The following MGAT5 variants were observed in gnomAD, a reference collection of about 807,000 sequenced individuals.
MGAT5 encodes alpha-1,6-mannosylglycoprotein 6-beta-N-acetylglucosaminyltransferase A.
In MGAT5, 30 loss-of-function variants were observed where a neutral mutation model predicts 94.3. The ratio of observed to expected loss-of-function variants is 0.32; its 90% CI spans 0.24 to 0.43. The LOEUF (loss-of-function observed/expected upper bound fraction) is 0.43. Ranked by LOEUF, MGAT5 falls within the 20% of genes least tolerant of loss-of-function variation. The pLI, the probability that MGAT5 is intolerant of heterozygous loss-of-function variation, is 1.00. For missense variants in MGAT5, 691 were observed against 905.5 expected, an observed-to-expected ratio of 0.76 and a Z score of 3.04; for synonymous variants, 310 against 322.9, an observed-to-expected ratio of 0.96 and a Z score of 0.43.
At chr2:134,123,597 G>T (rs1327543626) in intron 1 of MGAT5, among the ~76,000 whole-genome samples, 1 of 152,170 alleles carries the variant, frequency 6.6e-6, no homozygotes, top group Non-Finnish European at 1.5e-5. Flanking sequence ...GGTTGGGGGT[G>T]GCATTCTGTG....
intron 10 of MGAT5, among the ~76,000 whole-genome samples, chr2:134,370,252 TGAAAA>T (rs924407683): frequency 1.3e-5 from 2 of 152,228 alleles, no homozygotes; most frequent in Non-Finnish European, 2.9e-5. Context: ...CTGAAACCCT[TGAAAA>T]GAACACATTT....
chr2:134,325,412 CAA>C (rs1187743515), intron 4 of MGAT5, among the ~76,000 whole-genome samples: 4 of 152,144 alleles, frequency 2.6e-5, no homozygotes, highest in Admixed American at 2.6e-4. Context: ...GCATGTACTA[CAA>C]AAGAGTTTAA....
chr2:134,317,703 G>A, intron 3 of MGAT5, 98 bp downstream of exon 3: 1 of 755,354 alleles, frequency 1.3e-6, no homozygotes, highest in Non-Finnish European at 2.0e-6. Context: ...GGGTGAGTGA[G>A]CCCTTGACAT....
Position 134,371,559 on chromosome 2 carries a change from C to G in MGAT5, c.1380+9151C>G, listed in dbSNP as rs116582666. Among the ~76,000 whole-genome samples, 363 of 152,266 alleles carry G rather than the reference C, an allele frequency of 2.4e-3. 5 individuals are homozygous for G. Among genetic ancestry groups the G allele is most frequent in the African/African-American group, 7.9e-3 (328 of 41,556 alleles). ...AGATATGGGCCGCTGTGGCTTCTAT[C>G]GAATCATGCTTGGGATTGCCACAGT... On this transcript the variant is annotated intron_variant, in intron 10 of 15. Transcript: ENST00000281923.
intron 1 of MGAT5, among the ~76,000 whole-genome samples, chr2:134,243,592 G>A (rs1308161577): frequency 6.6e-6 from 1 of 152,190 alleles, no homozygotes; most frequent in Non-Finnish European, 1.5e-5. Context: ...AGGGCTGTGC[G>A]ATTGAGTGGC....
intron 1 of MGAT5, among the ~76,000 whole-genome samples, chr2:134,136,430 G>A (rs1454087085): frequency 1.3e-5 from 2 of 152,116 alleles, no homozygotes; most frequent in Admixed American, 1.3e-4. Flanking sequence ...AGCTGAGCGT[G>A]GTGGCGGGTG....
At chr2:134,225,427 G>A (rs2105370746) in intron 1 of MGAT5, among the ~76,000 whole-genome samples, 1 of 152,350 alleles carries the variant, frequency 6.6e-6, no homozygotes, top group East Asian at 1.9e-4. Context: ...ATGGGCAGCA[G>A]TGGTGGCCAC....
rs1680813665 is a variant in MGAT5 at position 134,371,722 on chromosome 2, A to G, written c.1380+9314A>G. Among the ~76,000 whole-genome samples, 5 of 152,254 alleles carry G rather than the reference A, an allele frequency of 3.3e-5. No individual in the cohort carries two copies. In the South Asian group the frequency reaches 1.0e-3, roughly 32 times the overall value. ...TGGACTTCTTCCCATTTGTGAGAGAAAACTCCCCCTTAGAACTCAACTGGT... is the reference window on the plus strand; with the variant it reads ...TGGACTTCTTCCCATTTGTGAGAGAGAACTCCCCCTTAGAACTCAACTGGT... On this transcript the variant is annotated intron_variant, in intron 10 of 15. Coordinates refer to ENST00000281923, the MANE Select transcript of MGAT5 (RefSeq NM_002410.5).
chr2:134,289,534 C>T (rs1258917681), intron 2 of MGAT5, among the ~76,000 whole-genome samples: 2 of 152,216 alleles, frequency 1.3e-5, no homozygotes, highest in African/African-American at 4.8e-5. Context: ...CGTAGCAGGC[C>T]TGACATAGCT....
intron 4 of MGAT5, among the ~76,000 whole-genome samples, chr2:134,323,682 G>C (rs1050316817): frequency 2.6e-5 from 4 of 152,062 alleles, no homozygotes; most frequent in Admixed American, 2.6e-4. Context: ...ATGGGAAAAT[G>C]GCTCTAATTT....
intron 1 of MGAT5, among the ~76,000 whole-genome samples, chr2:134,156,194 A>T (rs921679284): frequency 6.6e-6 from 1 of 152,094 alleles, no homozygotes; most frequent in East Asian, 1.9e-4. Context: ...TGTGCATGAG[A>T]TCTTGTTTAT....
rs144980722 is a variant in MGAT5, at chr2:134,285,705, T to G, written c.406+15155T>G. On this transcript the variant is annotated intron_variant, in intron 2 of 15. Transcript: ENST00000281923. ...TGTTTCTTCCAGTAATATATTTTCATATTTCTCCATAACATGTTTATGTTG... is the reference window on the plus strand; with the variant it reads ...TGTTTCTTCCAGTAATATATTTTCAGATTTCTCCATAACATGTTTATGTTG... Among the ~76,000 whole-genome samples, 48 of 152,320 alleles carry G rather than the reference T, an allele frequency of 3.2e-4. 1 individual carries two copies. In the East Asian group the frequency reaches 8.9e-3, roughly 28 times the overall value.
chr2:134,378,134 T>C (rs1681302547), intron 10 of MGAT5, among the ~76,000 whole-genome samples: 1 of 152,216 alleles, frequency 6.6e-6, no homozygotes, highest in South Asian at 2.1e-4. Context: ...ATGTTTTCTT[T>C]GGAGCTGGCA....
chr2:134,397,455 G>T (rs1682782772), intron 10 of MGAT5, among the ~76,000 whole-genome samples: 1 of 152,160 alleles, frequency 6.6e-6, no homozygotes, highest in Non-Finnish European at 1.5e-5. Context: ...CCAAAGGCCT[G>T]CAAGGAGGAG....
intron 12 of MGAT5, among the ~76,000 whole-genome samples, chr2:134,421,870 A>G (rs901427134): frequency 5.9e-5 from 9 of 152,162 alleles, no homozygotes; most frequent in African/African-American, 2.2e-4. Context: ...ATTTAGCTGT[A>G]TTAAAGAATG....
chr2:134,366,116 G>A (rs950570419), intron 10 of MGAT5, among the ~76,000 whole-genome samples: 1 of 152,186 alleles, frequency 6.6e-6, no homozygotes, highest in Non-Finnish European at 1.5e-5. Context: ...GGAAGCTGCA[G>A]TTCTGGGTCC....
chr2:134,196,135 T>A (rs959670367), intron 1 of MGAT5, among the ~76,000 whole-genome samples: 1 of 152,230 alleles, frequency 6.6e-6, no homozygotes, highest in Non-Finnish European at 1.5e-5. Flanking sequence ...ATTTGCTCAT[T>A]GCCTCTGTTG....
chr2:134,431,843 G>T (rs537083477), intron 14 of MGAT5, among the ~76,000 whole-genome samples: 26 of 152,306 alleles, frequency 1.7e-4, no homozygotes, highest in Non-Finnish European at 3.4e-4. Context: ...CAGTTGAGCA[G>T]TCGCCAGCAG....
intron 2 of MGAT5, among the ~76,000 whole-genome samples, chr2:134,311,104 T>C (rs1043416349): frequency 2.0e-5 from 3 of 152,236 alleles, no homozygotes; most frequent in Non-Finnish European, 2.9e-5. Context: ...TTGCCCTGAA[T>C]GGAGCCCTTG....
Sources: gnomAD v4.1 joint callset for allele counts (sites outside exome capture counted in the v4.1 genomes callset) on GRCh38, gnomAD v4.1.1 for gene constraint, MANE v1.5 for transcripts, NCBI Gene and HGNC (gene_info 2026-07-23, HGNC 2026-07-21) for gene names.